Variants in CACNG2 observed in about 807,000 individuals in gnomAD.
CACNG2 encodes calcium voltage-gated channel auxiliary subunit gamma 2.
CACNG2 carries 3 observed loss-of-function variants against 25.9 expected under a neutral mutation model. The observed-to-expected ratio is 0.12, with a 90% CI of 0.05 to 0.30. CACNG2 has a LOEUF of 0.30. Among genes scored for constraint, CACNG2 ranks in the 10% least tolerant of loss-of-function variants. CACNG2 has a pLI of 1.00. For synonymous variants in CACNG2, 167 were observed against 173.3 expected (o/e 0.96, Z 0.29); for missense variants, 341 against 432.5 (o/e 0.79, Z 1.88).
At chr22:36,580,726 C>T (rs528348781) in intron 2 of CACNG2, among the ~76,000 whole-genome samples, 1 of 152,306 alleles carries the variant, frequency 6.6e-6, no homozygotes, top group South Asian at 2.1e-4. Context: ...GTCTGGCACA[C>T]AGTAGGTGCT....
chr22:36,659,079 A>G (rs1199448407), intron 1 of CACNG2, among the ~76,000 whole-genome samples: 2 of 152,298 alleles, frequency 1.3e-5, no homozygotes, highest in East Asian at 3.9e-4. Flanking sequence ...AGTGGGTAGG[A>G]AACTGACTGC....
At position 36,702,649 on chromosome 22, in the gene CACNG2, A is replaced by G; in HGVS notation, c.-73T>C. 9.0e-7 allele frequency: 1 copy of G among 1,112,632 alleles called. No individual in the cohort carries two copies. The highest frequency in any genetic ancestry group is 1.4e-6 in the Non-Finnish European group (1 of 730,772). 68.9% of individuals were successfully genotyped at this position (1,112,632 alleles called of 1,614,324 possible). A position where few individuals can be genotyped will look rare whatever the true frequency, so the allele number is the denominator to read the frequency against. ...GTGTGTGTGAGGGTGCAAGTACTAA[A>G]GCCAAAAAAAATAAATAAAAATAAA... On this transcript the variant is annotated 5_prime_UTR_variant, in exon 1 of 4. Coordinates refer to ENST00000300105, the MANE Select transcript of CACNG2 (RefSeq NM_006078.5).
intron 1 of CACNG2, among the ~76,000 whole-genome samples, chr22:36,638,573 A>C (rs1936394623): frequency 6.6e-6 from 1 of 152,162 alleles, no homozygotes; most frequent in Non-Finnish European, 1.5e-5. Flanking sequence ...TTCAACCTTA[A>C]GTATTTCTCA....
At chr22:36,594,077 G>A (rs1935636259) in intron 1 of CACNG2, among the ~76,000 whole-genome samples, 1 of 152,150 alleles carries the variant, frequency 6.6e-6, no homozygotes, top group Non-Finnish European at 1.5e-5. Context: ...CCACCCCAGG[G>A]GTTGTGATGG....
intron 2 of CACNG2, among the ~76,000 whole-genome samples, chr22:36,570,300 C>T (rs1215597018): frequency 2.0e-5 from 3 of 152,150 alleles, no homozygotes; most frequent in African/African-American, 7.2e-5. Flanking sequence ...TTGCAGCCAG[C>T]AAAGAGCAAT....
At chr22:36,596,919 T>G (rs1935686580) in intron 1 of CACNG2, among the ~76,000 whole-genome samples, 1 of 151,474 alleles carries the variant, frequency 6.6e-6, no homozygotes, top group East Asian at 1.9e-4. Flanking sequence ...CCAGCTAATT[T>G]TTGAATTTTT....
intron 1 of CACNG2, among the ~76,000 whole-genome samples, chr22:36,596,859 G>A (rs529966548): frequency 2.3e-4 from 35 of 152,184 alleles, no homozygotes; most frequent in African/African-American, 6.5e-4. Flanking sequence ...CTGGGCTCAA[G>A]AGATCCTCCC....
chr22:36,673,276 A>G (rs1936977395), intron 1 of CACNG2, among the ~76,000 whole-genome samples: 1 of 152,134 alleles, frequency 6.6e-6, no homozygotes, highest in African/African-American at 2.4e-5. Flanking sequence ...TGAATCTCCC[A>G]GAAAGCAAAG....
At chr22:36,592,135 G>A (rs2145925438) in intron 1 of CACNG2, among the ~76,000 whole-genome samples, 1 of 151,746 alleles carries the variant, frequency 6.6e-6, no homozygotes, top group Non-Finnish European at 1.5e-5. Context: ...AGTGCAACAG[G>A]GAGAGGGTGG....
Position 36,573,600 on chromosome 22 carries a change from G to A in CACNG2, c.296-7107C>T, listed in dbSNP as rs573450768. 2.7e-3 allele frequency among the ~76,000 whole-genome samples: 410 copies of A among 152,262 alleles called. 2 individuals are homozygous for A. The highest frequency in any genetic ancestry group is 1.0e-2 in the South Asian group (48 of 4,822). Reference sequence around the variant, plus strand: ...GCCTGCCTCAGCCTCCCAAAGTGCCGGGAGTGCAGGCGTGAGCCACCACAC... The same window carrying A: ...GCCTGCCTCAGCCTCCCAAAGTGCCAGGAGTGCAGGCGTGAGCCACCACAC... On this transcript the variant is annotated intron_variant, in intron 2 of 3. Coordinates refer to ENST00000300105, the MANE Select transcript of CACNG2 (RefSeq NM_006078.5).
At chr22:36,598,478 C>T (rs1935708299) in intron 1 of CACNG2, among the ~76,000 whole-genome samples, 1 of 149,774 alleles carries the variant, frequency 6.7e-6, no homozygotes, top group South Asian at 2.1e-4. Flanking sequence ...ATTAGCCGGG[C>T]TTGGTGGCGG....
chr22:36,655,711 TTCTC>T (rs1459241510), intron 1 of CACNG2, among the ~76,000 whole-genome samples: 2 of 146,250 alleles, frequency 1.4e-5, no homozygotes, highest in Admixed American at 1.3e-4. Context: ...TTCTTTCTCT[TTCTC>T]TTTCTTTCTT....
intron 1 of CACNG2, among the ~76,000 whole-genome samples, chr22:36,667,412 T>C (rs1936890030): frequency 6.6e-6 from 1 of 152,198 alleles, no homozygotes; most frequent in Non-Finnish European, 1.5e-5. Context: ...TTTATACAGC[T>C]GTTCAGCCCA....
At chr22:36,570,585 C>T (rs919936320) in intron 2 of CACNG2, among the ~76,000 whole-genome samples, 1 of 151,916 alleles carries the variant, frequency 6.6e-6, no homozygotes, top group African/African-American at 2.4e-5. Context: ...CATGGTGAAA[C>T]CCCGTCTCTA....
intron 1 of CACNG2, among the ~76,000 whole-genome samples, chr22:36,672,994 G>A (rs1253050824): frequency 1.3e-5 from 2 of 152,242 alleles, no homozygotes; most frequent in African/African-American, 4.8e-5. Context: ...GGGAGGCCAA[G>A]GCAAGTGGAT....
At chr22:36,623,623 C>T (rs557235125) in intron 1 of CACNG2, among the ~76,000 whole-genome samples, 95 of 152,146 alleles carry the variant, frequency 6.2e-4, no homozygotes, top group African/African-American at 2.2e-3. Flanking sequence ...TGGTAATTGA[C>T]ACAGAAAGAC....
intron 1 of CACNG2, among the ~76,000 whole-genome samples, chr22:36,671,044 G>A (rs1169684297): frequency 6.6e-6 from 1 of 151,652 alleles, no homozygotes; most frequent in Non-Finnish European, 1.5e-5. Context: ...TCAGCCTCCT[G>A]AGTAGCTGGG....
chr22:36,601,785 T>A lies in CACNG2; in HGVS notation c.212-14237A>T, dbSNP rs541820379. Reference sequence around the variant, plus strand: ...AGCGTGAGCCACTGCGCCTGGGGAGTGTAGGTATCATTACAAGGTGGTGAT... The same window carrying A: ...AGCGTGAGCCACTGCGCCTGGGGAGAGTAGGTATCATTACAAGGTGGTGAT... On this transcript the variant is annotated intron_variant, in intron 1 of 3. Transcript: ENST00000300105. 3.3e-5 allele frequency among the ~76,000 whole-genome samples: 5 copies of A among 152,166 alleles called. No individual in the cohort carries two copies. The East Asian group carries it at 5.8e-4, about 18-fold the overall frequency.
At chr22:36,601,946 C>T (rs1023115998) in intron 1 of CACNG2, among the ~76,000 whole-genome samples, 3 of 152,108 alleles carry the variant, frequency 2.0e-5, no homozygotes, top group Non-Finnish European at 4.4e-5. Context: ...TAACAGTGTG[C>T]GAGGATTCCC....
Sources: gnomAD v4.1 joint callset for allele counts (sites outside exome capture counted in the v4.1 genomes callset) on GRCh38, gnomAD v4.1.1 for gene constraint, MANE v1.5 for transcripts, NCBI Gene and HGNC (gene_info 2026-07-23, HGNC 2026-07-21) for gene names.